Variants in PTPRN2 observed in about 807,000 individuals in gnomAD.
PTPRN2 encodes protein tyrosine phosphatase receptor type N2, also known as receptor-type tyrosine-protein phosphatase N2.
A neutral mutation model predicts 118.8 loss-of-function variants in PTPRN2; 74 were observed. The observed-to-expected ratio is 0.62, with a 90% CI of 0.52 to 0.76. The LOEUF is 0.76. PTPRN2 is among the 30% of genes least tolerant of loss of function. The pLI, the probability that PTPRN2 is intolerant of heterozygous loss-of-function variation, is 0.00. For missense variants in PTPRN2, 1,481 were observed against 1,394.4 expected, an observed-to-expected ratio of 1.06 and a Z score of -0.99; for synonymous variants, 641 against 608.0, an observed-to-expected ratio of 1.05 and a Z score of -0.80.
At chr7:158,484,720 T>G (rs1820878712) in intron 2 of PTPRN2, among the ~76,000 whole-genome samples, 1 of 152,174 alleles carries the variant, frequency 6.6e-6, no homozygotes, top group Non-Finnish European at 1.5e-5. Context: ...CTCGGTTTCT[T>G]CCTCTGAGCA....
chr7:157,812,509 A>C (rs1806119796), intron 12 of PTPRN2, among the ~76,000 whole-genome samples: 2 of 152,210 alleles, frequency 1.3e-5, no homozygotes, highest in Admixed American at 1.3e-4. Flanking sequence ...CTCCCTGTGC[A>C]TAGGGTGCTA....
At chr7:158,123,903 G>A (rs561905367) in intron 9 of PTPRN2, among the ~76,000 whole-genome samples, 11 of 150,508 alleles carry the variant, frequency 7.3e-5, no homozygotes, top group East Asian at 2.0e-4. Flanking sequence ...CGACCCAGGC[G>A]GAACAGGCTC....
At chr7:157,762,427 A>T (rs955566147) in intron 12 of PTPRN2, among the ~76,000 whole-genome samples, 4 of 152,106 alleles carry the variant, frequency 2.6e-5, no homozygotes, top group African/African-American at 9.7e-5. Flanking sequence ...AAAAATGATG[A>T]GTTCATGTCC....
intron 2 of PTPRN2, among the ~76,000 whole-genome samples, chr7:158,351,282 C>T (rs1048256400): frequency 6.6e-6 from 1 of 152,152 alleles, no homozygotes; most frequent in African/African-American, 2.4e-5. Context: ...CACCATTGGC[C>T]ACTGCACACT....
intron 14 of PTPRN2, among the ~76,000 whole-genome samples, chr7:157,628,182 C>T (rs1421641653): frequency 6.6e-6 from 1 of 152,226 alleles, no homozygotes; most frequent in Non-Finnish European, 1.5e-5. Flanking sequence ...TCATTATACA[C>T]AGAACCCCAA....
At chr7:158,584,855 G>C (rs1828828741) in intron 1 of PTPRN2, among the ~76,000 whole-genome samples, 2 of 152,174 alleles carry the variant, frequency 1.3e-5, no homozygotes, top group African/African-American at 2.4e-5. Context: ...TCAAGACAAG[G>C]CATCCTATAT....
intron 2 of PTPRN2, among the ~76,000 whole-genome samples, chr7:158,474,235 C>G (rs1820077592): frequency 6.6e-6 from 1 of 152,196 alleles, no homozygotes; most frequent in Non-Finnish European, 1.5e-5. Flanking sequence ...CTTGCTCCTT[C>G]ATCAAAAAGC....
chr7:157,807,331 A>G (rs768951343), intron 12 of PTPRN2, among the ~76,000 whole-genome samples: 10 of 152,212 alleles, frequency 6.6e-5, no homozygotes, highest in Non-Finnish European at 1.3e-4. Flanking sequence ...GGAAGCCACA[A>G]GACGGCTGCT....
chr7:158,108,824 A>G (rs142043047), intron 10 of PTPRN2, among the ~76,000 whole-genome samples: 2,076 of 152,366 alleles, frequency 0.014, 53 homozygotes, highest in African/African-American at 0.047. Flanking sequence ...CTCAAAGGGG[A>G]TGCCCAGCTC....
At chr7:158,271,055 CCT>C in intron 3 of PTPRN2, among the ~76,000 whole-genome samples, 1 of 132,904 alleles carries the variant, frequency 7.5e-6, no homozygotes, top group African/African-American at 3.0e-5. Flanking sequence ...CTCCCCCCAA[CCT>C]GGGCCACCCC....
chr7:157,854,767 T>C (rs1563174880), intron 12 of PTPRN2: 1 of 153,224 alleles, frequency 6.5e-6, no homozygotes, highest in Admixed American at 6.5e-5. Context: ...CTGGGCGTTG[T>C]GGGAAGGGCT....
At position 157,690,817 on chromosome 7, in the gene PTPRN2, G is replaced by A. The variant is rs1797441749; in HGVS notation, c.1789-7880C>T. On this transcript the variant is annotated intron_variant, in intron 12 of 22. Transcript: ENST00000389418. This position sits in a 1 kb window ranked among gnomAD's most constrained non-coding sequence, Gnocchi z 7.1. Reference sequence around the variant, plus strand: ...CACGGGCTCGGAGCCCGCAGGCGCCGGAGCTCTGCGCGGCCGCTCGGCCCA... The same window carrying A: ...CACGGGCTCGGAGCCCGCAGGCGCCAGAGCTCTGCGCGGCCGCTCGGCCCA... 6.7e-6 allele frequency among the ~76,000 whole-genome samples: 1 copy of A among 149,006 alleles called. No homozygotes were observed. The highest frequency in any genetic ancestry group is 6.7e-5 in the Admixed American group (1 of 15,008).
chr7:157,970,305 G>C (rs1802230847), intron 11 of PTPRN2, among the ~76,000 whole-genome samples: 1 of 152,226 alleles, frequency 6.6e-6, no homozygotes, highest in Non-Finnish European at 1.5e-5. Flanking sequence ...CAGGCAAATA[G>C]AAAGCATCGT....
At chr7:158,343,931 T>C (rs1423917082) in intron 2 of PTPRN2, among the ~76,000 whole-genome samples, 1 of 152,106 alleles carries the variant, frequency 6.6e-6, no homozygotes, top group Non-Finnish European at 1.5e-5. Flanking sequence ...AGGATGAGTT[T>C]AAATTCAGCT....
intron 9 of PTPRN2, among the ~76,000 whole-genome samples, chr7:158,119,414 C>A (rs1050645338): frequency 1.3e-5 from 2 of 152,148 alleles, no homozygotes; most frequent in African/African-American, 4.8e-5. Flanking sequence ...AATTGGAACT[C>A]CTGTGCCTTG....
intron 12 of PTPRN2, among the ~76,000 whole-genome samples, chr7:157,876,297 A>C (rs967394903): frequency 6.6e-6 from 1 of 152,144 alleles, no homozygotes; most frequent in Non-Finnish European, 1.5e-5. Context: ...CCCTGAAGGC[A>C]AAGCATCCTG....
At chr7:158,140,442 G>C (rs964817403) in intron 6 of PTPRN2, among the ~76,000 whole-genome samples, 5 of 152,206 alleles carry the variant, frequency 3.3e-5, no homozygotes, top group African/African-American at 7.2e-5. Flanking sequence ...TAGTTCCACA[G>C]ACAGAGTCTA....
chr7:158,064,164 G>A (rs1309786576), intron 11 of PTPRN2, among the ~76,000 whole-genome samples: 1 of 152,238 alleles, frequency 6.6e-6, no homozygotes, highest in Non-Finnish European at 1.5e-5. Flanking sequence ...TACGAGGACA[G>A]AGAAACCTGG....
rs770252182 is a variant in PTPRN2 at position 158,369,249 on chromosome 7, T to TTATATATATATATA, written c.164-52318_164-52317insTATATATATATATA. 1.7e-3 allele frequency among the ~76,000 whole-genome samples: 250 copies of TTATATATATATATA among 143,958 alleles called. 1 individual carries two copies. Among genetic ancestry groups the TTATATATATATATA allele is most frequent in the African/African-American group, 3.3e-3 (127 of 38,886 alleles). 94.4% of individuals were successfully genotyped at this position (143,958 alleles called of 152,430 possible). On this transcript the variant is annotated intron_variant, in intron 2 of 22. Coordinates refer to ENST00000389418, the MANE Select transcript of PTPRN2 (RefSeq NM_002847.5). ...GAGTTAATACTTAGTAAACTCCCCTTTATATATATATACACACATACACAC... is the reference window on the plus strand; with the variant it reads ...GAGTTAATACTTAGTAAACTCCCCTTTATATATATATATATATATATATATACACACATACACAC...
Sources: allele counts gnomAD v4.1 joint callset (sites outside exome capture counted in the v4.1 genomes callset), GRCh38; gene constraint gnomAD v4.1.1; non-coding constraint Gnocchi (gnomAD v3.1); transcripts MANE v1.5; gene names NCBI Gene and HGNC (gene_info 2026-07-23, HGNC 2026-07-21).